SLC2A9: variants seen among roughly 807,000 people sequenced by gnomAD.
SLC2A9 encodes the protein solute carrier family 2 member 9, also known as solute carrier family 2, facilitated glucose transporter member 9.
In SLC2A9, 39 loss-of-function variants were observed where a neutral mutation model predicts 50.6. The observed-to-expected ratio is 0.77, with a 90% confidence interval of 0.60 to 1.01. The LOEUF (loss-of-function observed/expected upper bound fraction) is 1.01. SLC2A9 is among the 50% of genes least tolerant of loss of function. SLC2A9 has a pLI of 0.00. For missense variants in SLC2A9, 686 were observed against 677.6 expected (o/e 1.01, Z -0.14); for synonymous variants, 324 against 276.9 (o/e 1.17, Z -1.69).
intron 10 of SLC2A9, among the ~76,000 whole-genome samples, chr4:9,860,992 T>A (rs375614543): frequency 6.6e-6 from 1 of 152,184 alleles, no homozygotes; most frequent in South Asian, 2.1e-4. Flanking sequence ...CTGGCTACCC[T>A]AAGATAGCAT....
At chr4:10,021,203 G>T (rs1763465911) in intron 1 of SLC2A9, 77 bp downstream of exon 1, 1 of 1,480,150 alleles carries the variant, frequency 6.8e-7, no homozygotes, top group African/African-American at 1.4e-5. Flanking sequence ...CTGGGGCTGA[G>T]CACTGTCACA....
chr4:9,802,843 C>T (rs1024975946), intron 3 of SLC2A9, among the ~76,000 whole-genome samples: 47 of 152,260 alleles, frequency 3.1e-4, no homozygotes, highest in African/African-American at 9.9e-4. Context: ...GGATTACAGG[C>T]GTGAGCCACA....
At chr4:10,014,245 G>C (rs1182083844) in intron 2 of SLC2A9, among the ~76,000 whole-genome samples, 1 of 152,154 alleles carries the variant, frequency 6.6e-6, no homozygotes, top group Non-Finnish European at 1.5e-5. Flanking sequence ...GCTGGACGCT[G>C]GGCTGAGCTC....
chr4:9,983,420 C>T (rs1578186197), intron 4 of SLC2A9, among the ~76,000 whole-genome samples: 1 of 152,344 alleles, frequency 6.6e-6, no homozygotes, highest in South Asian at 2.1e-4. Context: ...CACATTGGGA[C>T]TTTCTCCTTT....
intron 1 of SLC2A9, among the ~76,000 whole-genome samples, chr4:10,032,045 C>G (rs903140182): frequency 2.6e-5 from 4 of 152,220 alleles, no homozygotes; most frequent in Non-Finnish European, 5.9e-5. Context: ...GAGCACCTAC[C>G]TTGTGTCAGG....
chr4:10,019,996 G>A (rs1045766960), intron 1 of SLC2A9, among the ~76,000 whole-genome samples: 1 of 152,148 alleles, frequency 6.6e-6, no homozygotes. Flanking sequence ...GGGGCCAGGT[G>A]CTCCGGAAGG....
At chr4:9,957,372 T>G (rs888190027) in intron 5 of SLC2A9, among the ~76,000 whole-genome samples, 1 of 152,220 alleles carries the variant, frequency 6.6e-6, no homozygotes, top group African/African-American at 2.4e-5. Context: ...CTGCTCACGC[T>G]GTCATCACTC....
downstream of SLC2A9, among the ~76,000 whole-genome samples, chr4:9,777,903 A>G (rs1322714695): frequency 3.9e-5 from 6 of 152,206 alleles, no homozygotes; most frequent in Admixed American, 6.5e-5. Flanking sequence ...TGCAGGATGG[A>G]GAGGTTCAAA....
At chr4:9,851,603 T>G (rs1361659001) in intron 10 of SLC2A9, among the ~76,000 whole-genome samples, 1 of 152,086 alleles carries the variant, frequency 6.6e-6, no homozygotes, top group Non-Finnish European at 1.5e-5. Context: ...AGACATAGAA[T>G]TCAGAATATG....
rs1760923220 is a variant in SLC2A9, at chr4:10,007,082, T to C, written c.250-10141A>G. 2.6e-5 allele frequency among the ~76,000 whole-genome samples: 4 copies of C among 152,224 alleles called. No homozygotes were observed. In the South Asian group the frequency reaches 6.2e-4, roughly 24 times the overall value. ...ACCTTTTTCCTTTGCTGACTTAGCA[T>C]TGTGTTCCACCACTGTGATCAGTCA... On this transcript the variant is annotated intron_variant, in intron 2 of 11. Coordinates refer to ENST00000264784, the MANE Select transcript of SLC2A9 (RefSeq NM_020041.3).
chr4:10,037,943 T>G (rs892782965), intron 1 of SLC2A9, among the ~76,000 whole-genome samples: 11 of 151,854 alleles, frequency 7.2e-5, no homozygotes, highest in African/African-American at 2.7e-4. Context: ...AGAATGAGAC[T>G]CTGTCTCAAA....
At chr4:9,820,408 ATTCTTTG>A (rs1224861626) in intron 3 of SLC2A9, among the ~76,000 whole-genome samples, 3 of 152,166 alleles carry the variant, frequency 2.0e-5, no homozygotes, top group Non-Finnish European at 4.4e-5. Flanking sequence ...TTTTAACTTT[ATTCTTTG>A]TTTAAAAAAC....
At chr4:9,779,402 ATCTAGACT>A (rs943508338), downstream of SLC2A9, among the ~76,000 whole-genome samples, 25 of 150,264 alleles carry the variant, frequency 1.7e-4, no homozygotes, top group African/African-American at 6.1e-4. Context: ...GTTAAAGTCT[ATCTAGACT>A]TTAAACTTTT....
intron 5 of SLC2A9, among the ~76,000 whole-genome samples, chr4:9,978,074 T>C (rs1755105197): frequency 6.6e-6 from 1 of 152,208 alleles, no homozygotes; most frequent in Non-Finnish European, 1.5e-5. Flanking sequence ...CAGTCACTAT[T>C]TGCCAGCGAT....
At chr4:9,947,572 T>C (rs1468601015) in intron 5 of SLC2A9, among the ~76,000 whole-genome samples, 1 of 152,196 alleles carries the variant, frequency 6.6e-6, no homozygotes, top group Non-Finnish European at 1.5e-5. Flanking sequence ...TCCCGAGCAG[T>C]TATTAATAGC....
Position 9,970,739 on chromosome 4 carries a change from C to T in SLC2A9, c.681+9853G>A, listed in dbSNP as rs188948261. 2.0e-3 allele frequency among the ~76,000 whole-genome samples: 298 copies of T among 151,948 alleles called. 1 individual carries two copies. Among genetic ancestry groups the T allele is most frequent in the Non-Finnish European group, 3.1e-3 (214 of 67,990 alleles). ...AAGAGACCTCTCATATTGTTTTATA[C>T]TCAGTACCTGTTTTAAGAAAAAAAC... On this transcript the variant is annotated intron_variant, in intron 5 of 11. Transcript: ENST00000264784.
intron 2 of SLC2A9, among the ~76,000 whole-genome samples, chr4:10,006,130 C>G (rs1760737959): frequency 6.6e-6 from 1 of 152,166 alleles, no homozygotes; most frequent in Admixed American, 6.5e-5. Flanking sequence ...ATCCATGAAT[C>G]ACTTACCATT....
At chr4:10,020,512 A>G (rs961428326) in intron 1 of SLC2A9, among the ~76,000 whole-genome samples, 2 of 152,214 alleles carry the variant, frequency 1.3e-5, no homozygotes, top group Admixed American at 1.3e-4. Context: ...GCCAATTGAA[A>G]TGTAGTACCA....
upstream of SLC2A9, chr4:10,025,698 G>A (rs1469911960): frequency 1.7e-6 from 1 of 579,430 alleles, no homozygotes; most frequent in Non-Finnish European, 3.1e-6. Context: ...GATCAGGACT[G>A]TCAATTTCAC....
Sources: allele counts gnomAD v4.1 joint callset (sites outside exome capture counted in the v4.1 genomes callset), GRCh38; gene constraint gnomAD v4.1.1; transcripts MANE v1.5; gene names NCBI Gene and HGNC (gene_info 2026-07-23, HGNC 2026-07-21).